Variants in ALKBH5 observed in about 807,000 individuals in gnomAD.
ALKBH5 encodes RNA demethylase ALKBH5.
A neutral mutation model predicts 32.1 loss-of-function variants in ALKBH5; 2 were observed. The observed-to-expected ratio is 0.06, with a 90% CI of 0.03 to 0.20. The LOEUF is 0.20. Among genes scored for constraint, ALKBH5 ranks in the 10% least tolerant of loss-of-function variants. ALKBH5 has a pLI of 1.00. For missense variants in ALKBH5, 352 were observed against 559.5 expected, an observed-to-expected ratio of 0.63 and a Z score of 3.74; for synonymous variants, 300 against 231.7, an observed-to-expected ratio of 1.29 and a Z score of -2.68.
At position 18,184,391 on chromosome 17, in the gene ALKBH5, C is replaced by A. The variant is rs1306782653; in HGVS notation, c.148C>A (p.Pro50Thr). The part of the protein sequence containing the change: ...AAAAAAAAAE[P>T]YPVSGAKRKY... The stretch of plus-strand genomic sequence containing the variant: ...AGCCGCAGCCGCCGCTGCCGCCGAA[C>A]CTTACCCTGTGTCCGGGGCCAAGCG... The change falls in exon 1 of 4, where the codon CCT becomes ACT. Residue 50 changes from proline to threonine, a missense_variant. By Grantham distance (38) the Pro-to-Thr change is conservative. Coordinates refer to ENST00000399138, the MANE Select transcript of ALKBH5 (RefSeq NM_017758.4). 2 of 1,557,116 alleles carry A rather than the reference C, an allele frequency of 1.3e-6. No individual in the cohort carries two copies. Among genetic ancestry groups the A allele is most frequent in the Non-Finnish European group, 1.7e-6 (2 of 1,151,424 alleles).
At chr17:18,199,905 G>A (rs937294569) in intron 2 of ALKBH5, among the ~76,000 whole-genome samples, 1 of 151,986 alleles carries the variant, frequency 6.6e-6, no homozygotes, top group African/African-American at 2.4e-5. Flanking sequence ...AGGAGTTCAA[G>A]ACTAGCCTGA....
Position 18,184,544 on chromosome 17 carries a change from G to T in ALKBH5, c.301G>T (p.Ala101Ser), listed in dbSNP as rs374187597. 2.0e-5 allele frequency: 32 copies of T among 1,613,182 alleles called. No homozygotes were observed. The highest frequency in any genetic ancestry group is 2.4e-5 in the Non-Finnish European group (28 of 1,179,998). The change falls in exon 1 of 4, where the codon GCC becomes TCC. Residue 101 changes from alanine (A) to serine (S), a missense_variant. Transcript: ENST00000399138. ...QMRLFSQDEC[A>S]KIEARIDEVV... ...GCGCCTCTTCAGCCAGGACGAGTGCGCCAAGATCGAGGCCCGCATTGACGA... is the reference window on the plus strand; with the variant it reads ...GCGCCTCTTCAGCCAGGACGAGTGCTCCAAGATCGAGGCCCGCATTGACGA...
At chr17:18,194,927 T>C (rs761873003) in intron 1 of ALKBH5, 28 bp from the exon 2 acceptor site, 2 of 1,610,988 alleles carry the variant, frequency 1.2e-6, no homozygotes, top group Admixed American at 1.7e-5. Context: ...CTACTCTTCA[T>C]GGTCACATGT....
chr17:18,186,724 C>T (rs974773240), intron 1 of ALKBH5, among the ~76,000 whole-genome samples: 1 of 152,190 alleles, frequency 6.6e-6, no homozygotes, highest in Non-Finnish European at 1.5e-5. Context: ...AGTCCTAAAG[C>T]TTTCCCAGTC....
chr17:18,199,885 A>C (rs574162298), intron 2 of ALKBH5, among the ~76,000 whole-genome samples: 1 of 152,152 alleles, frequency 6.6e-6, no homozygotes, highest in Admixed American at 6.5e-5. Context: ...CAGTTGGATC[A>C]CCTGAGGTCA....
chr17:18,207,222 T>A lies in ALKBH5; in HGVS notation c.1007+252T>A, dbSNP rs559648183. On this transcript the variant is annotated intron_variant, in intron 3 of 3. Transcript: ENST00000399138. Reference sequence around the variant, plus strand: ...CAATATCATGGCTTTCCCATGACTTTCCTTGTTCAGTCTCACCCAGACACC... The same window carrying A: ...CAATATCATGGCTTTCCCATGACTTACCTTGTTCAGTCTCACCCAGACACC... Among the ~76,000 whole-genome samples the A allele has an allele frequency of 4.6e-5, 7 of 152,346 alleles. No individual in the cohort carries two copies. The South Asian group carries it at 6.2e-4, about 14-fold the overall frequency.
Position 18,184,369 on chromosome 17 carries a change from C to G in ALKBH5, c.126C>G (p.Ala42=), listed in dbSNP as rs1484988396. 12 of 1,517,070 alleles carry G rather than the reference C, an allele frequency of 7.9e-6. No homozygotes were observed. The highest frequency in any genetic ancestry group is 9.7e-6 in the Non-Finnish European group (11 of 1,135,448). The allele number at this position is 1,517,070 out of a possible 1,614,324, so 94.0% of individuals were successfully genotyped here. Reference sequence around the variant, plus strand: ...CCGCAGCCGCCGTAGCCGCCGCAGCCGCAGCCGCCGCTGCCGCCGAACCTT... The same window carrying G: ...CCGCAGCCGCCGTAGCCGCCGCAGCGGCAGCCGCCGCTGCCGCCGAACCTT... ...AAAAAAVAAA[A]AAAAAAEPYP... is the part of the protein sequence containing the mutation. The change falls in exon 1 of 4, where the codon GCC becomes GCG. Residue 42 remains alanine (A), a synonymous_variant. Coordinates refer to ENST00000399138, the MANE Select transcript of ALKBH5 (RefSeq NM_017758.4).
intron 2 of ALKBH5, among the ~76,000 whole-genome samples, chr17:18,198,809 A>T (rs2047219399): frequency 6.6e-6 from 1 of 152,184 alleles, no homozygotes; most frequent in South Asian, 2.1e-4. Context: ...CTTCATGCAC[A>T]TGTGCCCTTG....
intron 2 of ALKBH5, among the ~76,000 whole-genome samples, chr17:18,197,059 G>A (rs1167902250): frequency 6.6e-6 from 1 of 152,184 alleles, no homozygotes; most frequent in Non-Finnish European, 1.5e-5. Flanking sequence ...TATTGTAGTG[G>A]TGAAGTCTCT....
chr17:18,184,320 G>A lies in ALKBH5; in HGVS notation c.77G>A (p.Gly26Asp). The A allele has an allele frequency of 6.6e-7, 1 of 1,515,920 alleles. No individual in the cohort carries two copies. Among genetic ancestry groups the A allele is most frequent in the Non-Finnish European group, 8.8e-7 (1 of 1,135,652 alleles). 93.9% of individuals were successfully genotyped at this position (1,515,920 alleles called of 1,614,324 possible). The stretch of plus-strand genomic sequence containing the variant: ...ACGTCCCGGGACAACTATAAGGCGG[G>A]CAGCCGGGAGGCCGCCGCCGCTGCC... ...SMTSRDNYKA[G>D]SREAAAAAAA... The change falls in exon 1 of 4, where the codon GGC (glycine) becomes GAC (aspartate). Residue 26 changes from glycine to aspartate, a missense_variant. By Grantham distance (94) the Gly-to-Asp change is moderately conservative. Around this residue, in one of 4 missense-constraint regions of ALKBH5, gnomAD observed 144 missense variants for 125.8 expected, o/e 1.14. Transcript: ENST00000399138.
chr17:18,194,149 G>A (rs942652217), intron 1 of ALKBH5, among the ~76,000 whole-genome samples: 19 of 149,492 alleles, frequency 1.3e-4, no homozygotes, highest in East Asian at 2.0e-4. Flanking sequence ...TTTTTTGGGC[G>A]GGGGGCAGGG....
chr17:18,201,735 A>C (rs1308384771), intron 2 of ALKBH5, among the ~76,000 whole-genome samples: 1 of 147,942 alleles, frequency 6.8e-6, no homozygotes, highest in East Asian at 2.0e-4. Context: ...ACAGGGTGAG[A>C]CTCCATCTTA....
At position 18,184,381 on chromosome 17, in the gene ALKBH5, T is replaced by A. The variant is rs998121179; in HGVS notation, c.138T>A (p.Ala46=). The change falls in exon 1 of 4, where the codon GCT becomes GCA. Residue 46 remains alanine, a synonymous_variant. Coordinates refer to ENST00000399138, the MANE Select transcript of ALKBH5 (RefSeq NM_017758.4). ...AAVAAAAAAA[A]AAEPYPVSGA... is the part of the protein sequence containing the mutation. Reference sequence around the variant, plus strand: ...TAGCCGCCGCAGCCGCAGCCGCCGCTGCCGCCGAACCTTACCCTGTGTCCG... The same window carrying A: ...TAGCCGCCGCAGCCGCAGCCGCCGCAGCCGCCGAACCTTACCCTGTGTCCG... The A allele has an allele frequency of 5.3e-6, 8 of 1,520,412 alleles. No homozygotes were observed. Among genetic ancestry groups the A allele is most frequent in the African/African-American group, 1.4e-5 (1 of 70,188 alleles). The allele number at this position is 1,520,412 out of a possible 1,614,324, so 94.2% of individuals were successfully genotyped here.
In ALKBH5 at chr17:18,183,850, G is replaced by T. The variant is rs931259478; in HGVS notation, c.-394G>T. 25 of 333,204 alleles carry T rather than the reference G, an allele frequency of 7.5e-5. No homozygotes were observed. The highest frequency in any genetic ancestry group is 4.6e-4 in the African/African-American group (20 of 43,844). 20.6% of individuals were successfully genotyped at this position (333,204 alleles called of 1,614,324 possible). On this transcript the variant is annotated 5_prime_UTR_variant, in exon 1 of 4. Transcript: ENST00000399138. ...GGTGAGGAGCCCGCTAAGGAGCGGC[G>T]CTGGCGGACGTCGGGCTGGCTGCCC... is the stretch of plus-strand genomic sequence containing the variant.
intron 2 of ALKBH5, among the ~76,000 whole-genome samples, chr17:18,204,178 G>T (rs773302333): frequency 4.6e-5 from 7 of 152,242 alleles, no homozygotes; most frequent in Non-Finnish European, 1.0e-4. Context: ...TGGGCCAGGC[G>T]TGGTGGCTCA....
chr17:18,208,596 C>T lies in ALKBH5; in HGVS notation c.*200C>T, dbSNP rs768104304. On this transcript the variant is annotated 3_prime_UTR_variant, in exon 4 of 4. Coordinates refer to ENST00000399138, the MANE Select transcript of ALKBH5 (RefSeq NM_017758.4). ...TGGCCAGGACCTAGGTTCTCATATT[C>T]TTGGTATTCCTCCTGGATGGAAAGG... 2 of 698,206 alleles carry T rather than the reference C, an allele frequency of 2.9e-6. No individual in the cohort carries two copies. Among genetic ancestry groups the T allele is most frequent in the Non-Finnish European group, 5.0e-6 (2 of 396,874 alleles). The allele number at this position is 698,206 out of a possible 1,614,324, so 43.3% of individuals were successfully genotyped here. A position where few individuals can be genotyped will look rare whatever the true frequency, so the allele number is the denominator to read the frequency against.
At chr17:18,191,220 C>T (rs1035542402) in intron 1 of ALKBH5, among the ~76,000 whole-genome samples, 1 of 152,228 alleles carries the variant, frequency 6.6e-6, no homozygotes, top group Non-Finnish European at 1.5e-5. Context: ...GCCAGGAGAG[C>T]TTCCCTTAAT....
chr17:18,194,223 G>C (rs1167828587), intron 1 of ALKBH5, among the ~76,000 whole-genome samples: 1 of 152,016 alleles, frequency 6.6e-6, no homozygotes, highest in African/African-American at 2.4e-5. Flanking sequence ...GCGTGATCTT[G>C]GCTCACTGCA....
chr17:18,197,388 A>G (rs1050226221), intron 2 of ALKBH5, among the ~76,000 whole-genome samples: 3 of 152,174 alleles, frequency 2.0e-5, no homozygotes, highest in African/African-American at 7.2e-5. Context: ...TCCTCCAGTC[A>G]TTTCTTCTCA....
Sources: gnomAD v4.1 joint callset for allele counts (sites outside exome capture counted in the v4.1 genomes callset) on GRCh38, gnomAD v4.1.1 for gene constraint, gnomAD v4.1.1 regional missense constraint, MANE v1.5 for transcripts, NCBI Gene and HGNC (gene_info 2026-07-23, HGNC 2026-07-21) for gene names.